The following ROR1 variants were observed in gnomAD, a reference collection of about 807,000 sequenced individuals.
The protein encoded by ROR1 is inactive tyrosine-protein kinase transmembrane receptor ROR1.
A neutral mutation model predicts 78.8 loss-of-function variants in ROR1; 19 were observed. That is an observed-to-expected ratio of 0.24 (90% CI 0.17 to 0.35). ROR1 has a LOEUF of 0.35. Among genes scored for constraint, ROR1 ranks in the 10% least tolerant of loss-of-function variants. The probability of loss-of-function intolerance (pLI) is 1.00; values close to 1 mark genes in which losing one functional copy is unlikely to be tolerated. For synonymous variants in ROR1, 386 were observed against 433.6 expected, an observed-to-expected ratio of 0.89 and a Z score of 1.36; for missense variants, 917 against 1,177.8, an observed-to-expected ratio of 0.78 and a Z score of 3.24.
At chr1:64,145,107 C>G (rs569802339) in intron 7 of ROR1, among the ~76,000 whole-genome samples, 2 of 152,054 alleles carry the variant, frequency 1.3e-5, no homozygotes, top group Non-Finnish European at 2.9e-5. Context: ...TAAATCGATT[C>G]GAATTATCAC....
chr1:64,052,934 C>T (rs998750320), intron 4 of ROR1, among the ~76,000 whole-genome samples: 1 of 152,040 alleles, frequency 6.6e-6, no homozygotes, highest in East Asian at 1.9e-4. Context: ...GAGTTCTTCA[C>T]TTCCTGAGAC....
intron 1 of ROR1, among the ~76,000 whole-genome samples, chr1:63,923,171 C>T (rs1569916612): frequency 6.6e-6 from 1 of 152,272 alleles, no homozygotes; most frequent in East Asian, 1.9e-4. Context: ...CACTTCAGCC[C>T]CTCTTGGCTC....
At chr1:63,884,985 C>T (rs773658211) in intron 1 of ROR1, among the ~76,000 whole-genome samples, 3 of 151,948 alleles carry the variant, frequency 2.0e-5, no homozygotes, top group South Asian at 2.1e-4. Flanking sequence ...TAACTCTGGG[C>T]AAGTTGCTTT....
intron 1 of ROR1, among the ~76,000 whole-genome samples, chr1:64,008,823 C>T (rs1234644646): frequency 2.0e-5 from 3 of 151,924 alleles, no homozygotes; most frequent in East Asian, 1.9e-4. Flanking sequence ...TTAGTAGAGA[C>T]GGGGTTTCAT....
intron 1 of ROR1, among the ~76,000 whole-genome samples, chr1:63,799,807 G>C (rs1239876745): frequency 6.6e-6 from 1 of 152,154 alleles, no homozygotes; most frequent in African/African-American, 2.4e-5. Flanking sequence ...AAATCAAAGA[G>C]ACACTCATTA....
intron 1 of ROR1, among the ~76,000 whole-genome samples, chr1:63,801,061 A>T (rs950006589): frequency 5.3e-5 from 8 of 151,696 alleles, no homozygotes; most frequent in African/African-American, 1.7e-4. Flanking sequence ...TTGTTATTTT[A>T]TCTGAGCCCT....
intron 7 of ROR1, 133 bp from the exon 8 acceptor site, chr1:64,158,848 T>G: frequency 1.5e-6 from 1 of 658,510 alleles, no homozygotes; most frequent in African/African-American, 1.8e-5. Context: ...AAGCAGTGGA[T>G]TCCTTTCTTC....
At chr1:64,017,066 C>A (rs1201384944) in intron 2 of ROR1, among the ~76,000 whole-genome samples, 1 of 151,872 alleles carries the variant, frequency 6.6e-6, no homozygotes, top group Non-Finnish European at 1.5e-5. Context: ...ACAGGTGCAC[C>A]ATGTCCAGCT....
intron 1 of ROR1, among the ~76,000 whole-genome samples, chr1:63,849,626 A>C (rs898865259): frequency 1.3e-5 from 2 of 152,156 alleles, no homozygotes; most frequent in African/African-American, 4.8e-5. Flanking sequence ...TGAGCCCAGG[A>C]CGTCAAGGCT....
chr1:63,928,928 C>G lies in ROR1; in HGVS notation c.92-80377C>G, dbSNP rs1169204504. 2.6e-5 allele frequency among the ~76,000 whole-genome samples: 4 copies of G among 152,188 alleles called. 1 individual carries two copies. The highest frequency in any genetic ancestry group is 5.9e-5 in the Non-Finnish European group (4 of 68,026). On this transcript the variant is annotated intron_variant, in intron 1 of 8. Transcript: ENST00000371079. ...TGAAAGGACACAGTGTGCCCTCTGTCAGGCCCTGTTACAGGCCGAAGCTCA... is the reference window on the plus strand; with the variant it reads ...TGAAAGGACACAGTGTGCCCTCTGTGAGGCCCTGTTACAGGCCGAAGCTCA...
intron 4 of ROR1, among the ~76,000 whole-genome samples, chr1:64,076,261 A>G (rs1185149283): frequency 6.6e-6 from 1 of 152,178 alleles, no homozygotes; most frequent in Admixed American, 6.5e-5. Flanking sequence ...ACCCTTCTGT[A>G]CACACCTGGA....
chr1:64,043,976 G>A (rs1388694533), intron 2 of ROR1, among the ~76,000 whole-genome samples: 2 of 152,124 alleles, frequency 1.3e-5, no homozygotes, highest in African/African-American at 2.4e-5. Flanking sequence ...ATTGTTAATG[G>A]GAGAAGATGG....
At chr1:64,117,453 C>T (rs1243337865) in intron 4 of ROR1, among the ~76,000 whole-genome samples, 1 of 151,814 alleles carries the variant, frequency 6.6e-6, no homozygotes, top group African/African-American at 2.4e-5. Flanking sequence ...AACCAGTGAG[C>T]GGGGGAAGAA....
intron 1 of ROR1, among the ~76,000 whole-genome samples, chr1:63,880,533 G>A (rs990883978): frequency 6.6e-6 from 1 of 152,118 alleles, no homozygotes. Flanking sequence ...AAGTAGCCCC[G>A]ATGGCTGAAC....
At chr1:63,775,527 T>C (rs1025150696) in intron 1 of ROR1, 4 of 152,214 alleles carry the variant, frequency 2.6e-5, no homozygotes, top group African/African-American at 9.6e-5. Context: ...CTCCCAGCCC[T>C]AAACCTGAGC....
intron 1 of ROR1, among the ~76,000 whole-genome samples, chr1:63,860,602 C>CACAT (rs1274079102): frequency 1.3e-5 from 2 of 148,878 alleles, no homozygotes; most frequent in African/African-American, 5.1e-5. Context: ...CACACACACA[C>CACAT]ACATACACAC....
intron 1 of ROR1, among the ~76,000 whole-genome samples, chr1:63,851,569 A>G (rs551837829): frequency 2.4e-4 from 37 of 152,328 alleles, no homozygotes; most frequent in African/African-American, 8.9e-4. Context: ...ATGTATAAAG[A>G]TGACAGGGAA....
intron 4 of ROR1, among the ~76,000 whole-genome samples, chr1:64,108,895 T>C (rs1042788104): frequency 4.6e-5 from 7 of 152,180 alleles, no homozygotes; most frequent in African/African-American, 1.7e-4. Context: ...TTAAAAATAA[T>C]GTTTAGGACC....
chr1:63,841,151 A>T (rs1478894697), intron 1 of ROR1, among the ~76,000 whole-genome samples: 1 of 152,224 alleles, frequency 6.6e-6, no homozygotes, highest in Non-Finnish European at 1.5e-5. Context: ...TCTCATTGCC[A>T]TTTATGAGGT....
Sources: gnomAD v4.1 joint callset for allele counts (sites outside exome capture counted in the v4.1 genomes callset) on GRCh38, gnomAD v4.1.1 for gene constraint, MANE v1.5 for transcripts, NCBI Gene and HGNC (gene_info 2026-07-23, HGNC 2026-07-21) for gene names.